ACSS3: variants seen among roughly 807,000 people sequenced by gnomAD.
The protein encoded by ACSS3 is acyl-CoA synthetase short chain family member 3, also known as acyl-CoA synthetase short-chain family member 3, mitochondrial.
Under a neutral mutation model 84.2 loss-of-function variants are expected in ACSS3, and 64 were observed. The ratio of observed to expected loss-of-function variants is 0.76; its 90% CI spans 0.62 to 0.94. ACSS3 has a LOEUF of 0.94. ACSS3 is among the 40% of genes least tolerant of loss of function. ACSS3 has a pLI of 0.00. For missense variants in ACSS3, 815 were observed against 867.6 expected (o/e 0.94, Z 0.76); for synonymous variants, 317 against 310.1 (o/e 1.02, Z -0.23).
chr12:81,245,266 C>G (rs560854263), intron 13 of ACSS3, among the ~76,000 whole-genome samples: 1 of 152,132 alleles, frequency 6.6e-6, no homozygotes, highest in Non-Finnish European at 1.5e-5. Context: ...TCGAGACCAT[C>G]CTGGCTAACA....
rs535963935 is a variant in ACSS3, at chr12:81,111,153, A to C, written c.456+1449A>C. ...TAAAAAAAGACCTTATGAAAAGGGT[A>C]GACTGAAGAGCCAGGCTTAGAAAAA... On this transcript the variant is annotated intron_variant, in intron 2 of 15. Coordinates refer to ENST00000548058, the MANE Select transcript of ACSS3 (RefSeq NM_024560.4). 2.6e-5 allele frequency among the ~76,000 whole-genome samples: 4 copies of C among 152,320 alleles called. No individual in the cohort carries two copies. The South Asian group carries it at 8.3e-4, about 32-fold the overall frequency.
rs111423320 is a variant in ACSS3 at position 81,136,544 on chromosome 12, G to A, written c.645+1540G>A. 5.0e-3 allele frequency among the ~76,000 whole-genome samples: 764 copies of A among 152,184 alleles called. 4 individuals carry two copies. The highest frequency in any genetic ancestry group is 0.013 in the African/African-American group (552 of 41,524). Reference sequence around the variant, plus strand: ...CCTGAAGGAGATGAGATTTGAGTTAGATCTTGGCTAAGATTCAGCTAGTTG... The same window carrying A: ...CCTGAAGGAGATGAGATTTGAGTTAAATCTTGGCTAAGATTCAGCTAGTTG... On this transcript the variant is annotated intron_variant, in intron 3 of 15. Transcript: ENST00000548058.
At chr12:81,114,931 T>C (rs2121520623) in intron 2 of ACSS3, among the ~76,000 whole-genome samples, 1 of 152,260 alleles carries the variant, frequency 6.6e-6, no homozygotes, top group East Asian at 1.9e-4. Context: ...CCTCAGCCCC[T>C]ACATGATTGC....
intron 1 of ACSS3, among the ~76,000 whole-genome samples, chr12:81,081,180 A>C (rs550447844): frequency 1.6e-4 from 25 of 152,342 alleles, no homozygotes; most frequent in Middle Eastern, 3.4e-3. Flanking sequence ...AGTATTGCAT[A>C]TTAGCTTTCA....
At chr12:81,136,259 T>C (rs1361758826) in intron 3 of ACSS3, among the ~76,000 whole-genome samples, 1 of 152,032 alleles carries the variant, frequency 6.6e-6, no homozygotes, top group East Asian at 1.9e-4. Flanking sequence ...AGTGCAGGAG[T>C]TAGAAAAATT....
chr12:81,175,026 T>C, intron 8 of ACSS3, 87 bp downstream of exon 8: 1 of 1,467,668 alleles, frequency 6.8e-7, no homozygotes, highest in East Asian at 2.3e-5. Context: ...GGTACTGGAA[T>C]ACTCTTATAG....
At chr12:81,105,177 C>A (rs1882877705) in intron 1 of ACSS3, among the ~76,000 whole-genome samples, 1 of 152,144 alleles carries the variant, frequency 6.6e-6, no homozygotes, top group Non-Finnish European at 1.5e-5. Flanking sequence ...AACTACCTGA[C>A]AAGTATTTTA....
intron 8 of ACSS3, among the ~76,000 whole-genome samples, chr12:81,177,470 A>AT (rs71442001): frequency 1.3e-5 from 2 of 152,044 alleles, no homozygotes; most frequent in Non-Finnish European, 2.9e-5. Flanking sequence ...AAGTTTCAAG[A>AT]TCCAAAATCA....
chr12:81,164,668 T>C (rs1296549867), intron 7 of ACSS3, among the ~76,000 whole-genome samples: 1 of 152,198 alleles, frequency 6.6e-6, no homozygotes, highest in African/African-American at 2.4e-5. Flanking sequence ...AGTCATCCTA[T>C]ACTGTATTTT....
chr12:81,078,034 C>T, upstream of ACSS3: 1 of 1,383,250 alleles, frequency 7.2e-7, no homozygotes, highest in Middle Eastern at 2.6e-4. Flanking sequence ...GAATTTGCCC[C>T]CGCCCCCTAC....
chr12:81,248,155 G>A (rs909371549), intron 13 of ACSS3, among the ~76,000 whole-genome samples: 18 of 151,828 alleles, frequency 1.2e-4, no homozygotes, highest in Non-Finnish European at 2.5e-4. Flanking sequence ...GAGATTTTTC[G>A]AAAAACTAAA....
chr12:81,176,667 T>A lies in ACSS3; in HGVS notation c.1250+1728T>A, dbSNP rs138899892. ...ACCAATAAGGAGTTCTGAAAATGAATCAGTAATAAAAAAAACCTACCAACC... is the reference window on the plus strand; with the variant it reads ...ACCAATAAGGAGTTCTGAAAATGAAACAGTAATAAAAAAAACCTACCAACC... On this transcript the variant is annotated intron_variant, in intron 8 of 15. Coordinates refer to ENST00000548058, the MANE Select transcript of ACSS3 (RefSeq NM_024560.4). 2.2e-4 allele frequency among the ~76,000 whole-genome samples: 34 copies of A among 151,156 alleles called. No homozygotes were observed. The East Asian group carries it at 6.2e-3, about 28-fold the overall frequency.
At chr12:81,161,906 C>T (rs557822787) in intron 7 of ACSS3, among the ~76,000 whole-genome samples, 25 of 152,178 alleles carry the variant, frequency 1.6e-4, no homozygotes, top group South Asian at 4.1e-4. Context: ...TGTGTCTGGA[C>T]GAGGGAAACA....
At chr12:81,162,951 G>A (rs1887226335) in intron 7 of ACSS3, among the ~76,000 whole-genome samples, 1 of 152,156 alleles carries the variant, frequency 6.6e-6, no homozygotes, top group Admixed American at 6.5e-5. Context: ...TGCAGCAGGA[G>A]CAGGCACTTC....
chr12:81,147,286 G>T (rs10862246), intron 5 of ACSS3, among the ~76,000 whole-genome samples: 28,754 of 152,184 alleles, frequency 0.19, 2,886 homozygotes, highest in Non-Finnish European at 0.23. Context: ...TTCTACAAGT[G>T]TCAAGGGTTT....
At chr12:81,197,947 C>T (rs1268990184) in intron 8 of ACSS3, among the ~76,000 whole-genome samples, 3 of 152,074 alleles carry the variant, frequency 2.0e-5, no homozygotes, top group East Asian at 3.9e-4. Context: ...GTGCTACCCC[C>T]GCTTAGCCTC....
chr12:81,146,251 A>G (rs959183213), intron 5 of ACSS3, among the ~76,000 whole-genome samples: 1 of 152,188 alleles, frequency 6.6e-6, no homozygotes, highest in South Asian at 2.1e-4. Context: ...CTAGTAAGCC[A>G]GCTTCTTGGA....
chr12:81,247,823 T>C (rs752809221), intron 13 of ACSS3, among the ~76,000 whole-genome samples: 1 of 152,074 alleles, frequency 6.6e-6, no homozygotes, highest in Non-Finnish European at 1.5e-5. Flanking sequence ...CAAACCTTAC[T>C]ATTTAACTAC....
chr12:81,189,459 G>T (rs1420858366), intron 8 of ACSS3, among the ~76,000 whole-genome samples: 4 of 152,110 alleles, frequency 2.6e-5, no homozygotes, highest in Non-Finnish European at 2.9e-5. Flanking sequence ...TAATGAGGTT[G>T]AATGAGGTTG....
Sources: gnomAD v4.1 joint callset for allele counts (sites outside exome capture counted in the v4.1 genomes callset) on GRCh38, gnomAD v4.1.1 for gene constraint, MANE v1.5 for transcripts, NCBI Gene and HGNC (gene_info 2026-07-23, HGNC 2026-07-21) for gene names.